The following KIF26B variants were observed in gnomAD, a reference collection of about 807,000 sequenced individuals.
KIF26B encodes the protein kinesin family member 26B.
A neutral mutation model predicts 151.2 loss-of-function variants in KIF26B; 63 were observed. That is an observed-to-expected ratio of 0.42 (90% confidence interval 0.34 to 0.51). KIF26B has a LOEUF of 0.51. KIF26B is among the 20% of genes least tolerant of loss of function. The probability of loss-of-function intolerance (pLI) is 0.07; values close to 1 mark genes in which losing one functional copy is unlikely to be tolerated. For synonymous variants in KIF26B, 1,357 were observed against 1,262.1 expected (o/e 1.08, Z -1.59); for missense variants, 2,813 against 2,913.6 (o/e 0.97, Z 0.79).
At chr1:245,324,285 T>C (rs991130676) in intron 2 of KIF26B, among the ~76,000 whole-genome samples, 1 of 152,210 alleles carries the variant, frequency 6.6e-6, no homozygotes, top group African/African-American at 2.4e-5. Flanking sequence ...TGGAATAGAC[T>C]CCCTATGGTG....
intron 2 of KIF26B, among the ~76,000 whole-genome samples, chr1:245,245,639 A>C (rs12727349): frequency 0.37 from 55,675 of 151,866 alleles, 10,891 homozygotes; most frequent in East Asian, 0.52. Flanking sequence ...AAAATACAAC[A>C]ACAAAAAAAA....
In KIF26B at chr1:245,352,129, C is replaced by T. The variant is rs1028520569; in HGVS notation, c.466-14705C>T. On this transcript the variant is annotated intron_variant, in intron 2 of 14. Coordinates refer to ENST00000407071, the MANE Select transcript of KIF26B (RefSeq NM_018012.4). The surrounding 1 kb of genome is among the most constrained non-coding windows in gnomAD (Gnocchi z 5.0). ...TCTATCAGTAGGGAAGGTCCAAGTC[C>T]CACCCATACTGTGTTTCTCAAATAT... Among the ~76,000 whole-genome samples the T allele has an allele frequency of 6.6e-5, 10 of 151,524 alleles. No individual in the cohort carries two copies. Among genetic ancestry groups the T allele is most frequent in the Admixed American group, 5.2e-4 (8 of 15,266 alleles).
At chr1:245,408,541 G>A (rs906112420) in intron 3 of KIF26B, among the ~76,000 whole-genome samples, 18 of 151,968 alleles carry the variant, frequency 1.2e-4, no homozygotes, top group African/African-American at 4.1e-4. Flanking sequence ...TTTTAGTAGA[G>A]ACGGGGTTTC....
chr1:245,368,872 C>A (rs2103010934), intron 3 of KIF26B, among the ~76,000 whole-genome samples: 1 of 152,278 alleles, frequency 6.6e-6, no homozygotes, highest in South Asian at 2.1e-4. Flanking sequence ...TGGTGGCTCA[C>A]ACTTGTAATC....
At chr1:245,444,396 G>T (rs1198722207) in intron 4 of KIF26B, among the ~76,000 whole-genome samples, 1 of 152,116 alleles carries the variant, frequency 6.6e-6, no homozygotes, top group Non-Finnish European at 1.5e-5. Flanking sequence ...CACAGAAGGG[G>T]TCTGGGCTAA....
chr1:245,291,547 TAC>T (rs561153877), intron 2 of KIF26B, among the ~76,000 whole-genome samples: 18 of 152,254 alleles, frequency 1.2e-4, no homozygotes, highest in African/African-American at 3.1e-4. Flanking sequence ...CAATGGGTGA[TAC>T]ATCCTGGACA....
intron 9 of KIF26B, among the ~76,000 whole-genome samples, chr1:245,624,594 CT>C (rs2043703341): frequency 6.6e-6 from 1 of 152,188 alleles, no homozygotes; most frequent in South Asian, 2.1e-4. Context: ...ATCTTCTGTC[CT>C]TTTAAAAATT....
chr1:245,220,023 G>T (rs925358729), intron 2 of KIF26B, among the ~76,000 whole-genome samples: 1 of 152,128 alleles, frequency 6.6e-6, no homozygotes, highest in Non-Finnish European at 1.5e-5. Flanking sequence ...GATGCAGGGG[G>T]CAGAGGTGAG....
At chr1:245,464,466 C>T (rs1025627286) in intron 4 of KIF26B, among the ~76,000 whole-genome samples, 5 of 123,774 alleles carry the variant, frequency 4.0e-5, no homozygotes, top group Admixed American at 8.3e-5. Flanking sequence ...TGTGTGCGTG[C>T]GCGTGTGGGG....
chr1:245,391,109 G>A (rs1673689602), intron 3 of KIF26B, among the ~76,000 whole-genome samples: 1 of 151,954 alleles, frequency 6.6e-6, no homozygotes, highest in South Asian at 2.1e-4. Flanking sequence ...ATTATGGAAT[G>A]GGTCAACGTC....
chr1:245,556,354 T>G (rs1232045134), intron 5 of KIF26B, among the ~76,000 whole-genome samples: 1 of 138,334 alleles, frequency 7.2e-6, no homozygotes, highest in Non-Finnish European at 1.5e-5. Flanking sequence ...TCCCTCCTCC[T>G]CCTCCTCCTT....
At chr1:245,694,680 G>A (rs2044667973) in intron 12 of KIF26B, among the ~76,000 whole-genome samples, 1 of 152,204 alleles carries the variant, frequency 6.6e-6, no homozygotes. Context: ...CTGACTGCAC[G>A]CAGCTGTCAG....
intron 3 of KIF26B, among the ~76,000 whole-genome samples, chr1:245,405,045 A>G (rs1278173499): frequency 6.6e-6 from 1 of 152,216 alleles, no homozygotes; most frequent in Non-Finnish European, 1.5e-5. Context: ...AAATAAGCAT[A>G]TTTTATTAAT....
intron 5 of KIF26B, among the ~76,000 whole-genome samples, chr1:245,562,589 C>T (rs936419280): frequency 7.8e-6 from 1 of 128,174 alleles, no homozygotes; most frequent in African/African-American, 2.7e-5. Context: ...CCAAGCCCCG[C>T]CCCCCCCTTC....
At chr1:245,214,732 T>C (rs1043771884) in intron 2 of KIF26B, among the ~76,000 whole-genome samples, 2 of 151,776 alleles carry the variant, frequency 1.3e-5, no homozygotes, top group African/African-American at 4.8e-5. Flanking sequence ...CCCAACTAGT[T>C]GGGAGGCTGA....
At chr1:245,623,371 T>A (rs754063863) in intron 9 of KIF26B, among the ~76,000 whole-genome samples, 26 of 152,164 alleles carry the variant, frequency 1.7e-4, no homozygotes, top group Non-Finnish European at 2.8e-4. Context: ...TTCTTTCACT[T>A]AGCATAATGA....
intron 2 of KIF26B, among the ~76,000 whole-genome samples, chr1:245,277,553 G>A (rs1670961543): frequency 6.6e-6 from 1 of 152,070 alleles, no homozygotes; most frequent in Admixed American, 6.5e-5. Context: ...CAGACCCCTG[G>A]CCTCATTAAC....
chr1:245,382,770 G>A (rs1673442495), intron 3 of KIF26B, among the ~76,000 whole-genome samples: 1 of 151,860 alleles, frequency 6.6e-6, no homozygotes, highest in Non-Finnish European at 1.5e-5. Context: ...GTTTCTCCAT[G>A]TTGGTCAGGC....
chr1:245,177,191 G>A (rs763253530), intron 2 of KIF26B, among the ~76,000 whole-genome samples: 1 of 152,138 alleles, frequency 6.6e-6, no homozygotes, highest in East Asian at 1.9e-4. Context: ...CTGGCCTCAC[G>A]CCTCCTGCCT....
Sources: allele counts gnomAD v4.1 joint callset (sites outside exome capture counted in the v4.1 genomes callset), GRCh38; gene constraint gnomAD v4.1.1; non-coding constraint Gnocchi (gnomAD v3.1); transcripts MANE v1.5; gene names NCBI Gene and HGNC (gene_info 2026-07-23, HGNC 2026-07-21).